The following PTH2R variants were observed in gnomAD, a reference collection of about 807,000 sequenced individuals.
PTH2R encodes PTH2 receptor.
PTH2R carries 59 observed loss-of-function variants against 60.3 expected under a neutral mutation model. The observed-to-expected ratio is 0.98, with a 90% CI of 0.79 to 1.22. The LOEUF (loss-of-function observed/expected upper bound fraction) is 1.22. PTH2R is among the 50% of genes most tolerant of loss of function. PTH2R has a pLI of 0.00. For synonymous variants in PTH2R, 256 were observed against 243.8 expected (o/e 1.05, Z -0.47); for missense variants, 749 against 682.6 (o/e 1.10, Z -1.08).
intron 1 of PTH2R, among the ~76,000 whole-genome samples, chr2:208,397,599 G>T (rs1437109710): frequency 6.6e-6 from 1 of 152,166 alleles, no homozygotes; most frequent in African/African-American, 2.4e-5. Flanking sequence ...GCTGAAAGAG[G>T]GAACCCTGAG....
intron 12 of PTH2R, among the ~76,000 whole-genome samples, chr2:208,490,882 G>A (rs1270690129): frequency 6.6e-6 from 1 of 152,174 alleles, no homozygotes; most frequent in South Asian, 2.1e-4. Context: ...ACTTTTAAAT[G>A]TGAACTCATC....
chr2:208,493,427 T>G lies in PTH2R; in HGVS notation c.1421T>G (p.Ile474Ser), dbSNP rs755982377. 1.4e-4 allele frequency: 227 copies of G among 1,610,610 alleles called. No homozygotes were observed. Among genetic ancestry groups the G allele is most frequent in the Non-Finnish European group, 1.8e-4 (210 of 1,177,880 alleles). Residue 474 changes from isoleucine to serine, a missense_variant, in exon 13 of 13, where the codon ATC (isoleucine) becomes AGC (serine). Coordinates refer to ENST00000272847, the MANE Select transcript of PTH2R (RefSeq NM_005048.4). ...GCGGCCAGCACACGCATGGTGCTTA[T>G]CTCTGGCAAAGCTGCCAAGATCGCC... ...QVAASTRMVL[I>S]SGKAAKIASR...
At chr2:208,371,115 C>T (rs1293781352) in intron 1 of PTH2R, among the ~76,000 whole-genome samples, 1 of 152,062 alleles carries the variant, frequency 6.6e-6, no homozygotes, top group Admixed American at 6.5e-5. Context: ...CCAAACACTT[C>T]CCAGTAGGCC....
Position 208,442,387 on chromosome 2 carries a change from T to G in PTH2R, c.435T>G (p.Tyr145Ter), listed in dbSNP as rs1171268209. 6.2e-7 allele frequency: 1 copy of G among 1,612,706 alleles called. No homozygotes were observed. Among genetic ancestry groups the G allele is most frequent in the Non-Finnish European group, 8.5e-7 (1 of 1,178,840 alleles). The change falls in exon 5 of 13, where the codon TAT becomes TAG. Residue 145 changes from tyrosine to a stop codon, truncating the protein, a stop_gained. Transcript: ENST00000272847. LOFTEE classifies it high-confidence loss of function. Reference protein sequence around the residue: ...IGKQEFFERLYVMYTVGYSIS... With the variant: ...IGKQEFFERL ...AGCAAGAATTCTTTGAACGCCTCTA[T>G]GTAATGTATACCGTTGGCTACTCCA... is the stretch of plus-strand genomic sequence containing the variant.
At chr2:208,367,922 A>G (rs1408982685) in intron 1 of PTH2R, among the ~76,000 whole-genome samples, 1 of 152,224 alleles carries the variant, frequency 6.6e-6, no homozygotes, top group Admixed American at 6.5e-5. Flanking sequence ...AAATGCCAAC[A>G]GGTACAAAAA....
At chr2:208,428,142 C>A in intron 1 of PTH2R, 59 bp from the exon 2 acceptor site, 5 of 1,293,186 alleles carry the variant, frequency 3.9e-6, no homozygotes, top group Non-Finnish European at 5.5e-6. Context: ...ATAATGAAAG[C>A]TTGTATCCTG....
At chr2:208,381,779 A>G (rs1471533057) in intron 1 of PTH2R, among the ~76,000 whole-genome samples, 1 of 152,062 alleles carries the variant, frequency 6.6e-6, no homozygotes, top group African/African-American at 2.4e-5. Context: ...TGCTCTAATC[A>G]GTTGGCTTTC....
intron 1 of PTH2R, among the ~76,000 whole-genome samples, chr2:208,391,845 C>G (rs1200635588): frequency 6.6e-6 from 1 of 151,988 alleles, no homozygotes; most frequent in Non-Finnish European, 1.5e-5. Context: ...ACCTTATATC[C>G]TCTGCTAGAT....
Position 208,407,033 on chromosome 2 carries a change from C to T in PTH2R, c.-11C>T. Reference sequence around the variant, plus strand: ...GGAGGGTCCCTGCTTCTTCCTACAGCCGTTCCGGGCATGGCCGGGCTGGGG... The same window carrying T: ...GGAGGGTCCCTGCTTCTTCCTACAGTCGTTCCGGGCATGGCCGGGCTGGGG... On this transcript the variant is annotated 5_prime_UTR_variant, in exon 1 of 13. Coordinates refer to ENST00000272847, the MANE Select transcript of PTH2R (RefSeq NM_005048.4). 1 of 1,391,406 alleles carries T rather than the reference C, an allele frequency of 7.2e-7. No individual in the cohort carries two copies. Among genetic ancestry groups the T allele is most frequent in the Non-Finnish European group, 9.4e-7 (1 of 1,067,684 alleles). 86.2% of individuals were successfully genotyped at this position (1,391,406 alleles called of 1,614,324 possible).
At position 208,437,519 on chromosome 2, in the gene PTH2R, AT is replaced by A. The variant is rs770837638; in HGVS notation, c.179-9del. 144 of 1,549,476 alleles carry A rather than the reference AT, an allele frequency of 9.3e-5. 2 individuals carry two copies. Among genetic ancestry groups the A allele is most frequent in the East Asian group, 4.3e-4 (19 of 44,164 alleles). On this transcript the variant is annotated splice_polypyrimidine_tract_variant and intron_variant, in intron 2 of 12. Transcript: ENST00000272847. Reference sequence around the variant, plus strand: ...CATTTTTCTTTGTTTATTTGCTTTAATTTTTTTTTCTCATTAGAAGGTAATT... The same window carrying A: ...CATTTTTCTTTGTTTATTTGCTTTAATTTTTTTTCTCATTAGAAGGTAATT...
chr2:208,475,803 C>G (rs551774289), intron 9 of PTH2R, among the ~76,000 whole-genome samples: 1 of 152,132 alleles, frequency 6.6e-6, no homozygotes, highest in East Asian at 1.9e-4. Context: ...CATCATGCCT[C>G]ACATCATCAT....
chr2:208,421,176 A>G (rs1456289608), intron 1 of PTH2R, among the ~76,000 whole-genome samples: 1 of 152,230 alleles, frequency 6.6e-6, no homozygotes, highest in Non-Finnish European at 1.5e-5. Flanking sequence ...TGTATGAGCC[A>G]TACCACAGAT....
chr2:208,388,181 TG>T (rs1387350917), intron 1 of PTH2R, among the ~76,000 whole-genome samples: 1 of 142,618 alleles, frequency 7.0e-6, no homozygotes, highest in Admixed American at 7.1e-5. Flanking sequence ...CCGGGCGTGG[TG>T]GCGGTCACCT....
At chr2:208,398,168 C>T (rs1701247260) in intron 1 of PTH2R, among the ~76,000 whole-genome samples, 1 of 152,108 alleles carries the variant, frequency 6.6e-6, no homozygotes, top group South Asian at 2.1e-4. Context: ...CTAGGCATTT[C>T]ATTAAAAAAA....
chr2:208,369,365 TC>T (rs2125868693), intron 1 of PTH2R, among the ~76,000 whole-genome samples: 2 of 134,754 alleles, frequency 1.5e-5, no homozygotes, highest in South Asian at 2.3e-4. Flanking sequence ...CACTGGTCTC[TC>T]TCTCTTTTTT....
At chr2:208,490,557 G>A (rs993261296) in intron 11 of PTH2R, 82 bp from the exon 12 acceptor site, 1 of 1,357,646 alleles carries the variant, frequency 7.4e-7, no homozygotes, top group Non-Finnish European at 1.0e-6. Flanking sequence ...ACAATTTTTG[G>A]ACGTACACAT....
At chr2:208,423,253 T>G (rs964619942) in intron 1 of PTH2R, among the ~76,000 whole-genome samples, 26 of 152,200 alleles carry the variant, frequency 1.7e-4, no homozygotes, top group Non-Finnish European at 3.5e-4. Context: ...TAGCACTGCT[T>G]TAGGTCTGTC....
intron 1 of PTH2R, among the ~76,000 whole-genome samples, chr2:208,427,021 G>A (rs924150174): frequency 3.3e-5 from 5 of 152,142 alleles, no homozygotes; most frequent in Non-Finnish European, 7.4e-5. Context: ...CCTATAAAAA[G>A]GCTGCGTGTA....
At chr2:208,433,090 C>T (rs1702005280) in intron 2 of PTH2R, among the ~76,000 whole-genome samples, 2 of 152,130 alleles carry the variant, frequency 1.3e-5, no homozygotes, top group Admixed American at 1.3e-4. Flanking sequence ...TCAAGATAAG[C>T]AAGTGTGCAC....
Sources: gnomAD v4.1 joint callset for allele counts (sites outside exome capture counted in the v4.1 genomes callset) on GRCh38, gnomAD v4.1.1 for gene constraint, MANE v1.5 for transcripts, NCBI Gene and HGNC (gene_info 2026-07-23, HGNC 2026-07-21) for gene names.